Variants in ANK2 observed in about 807,000 individuals in gnomAD.
The protein encoded by ANK2 is ankyrin-2.
Under a neutral mutation model 360.5 loss-of-function variants are expected in ANK2, and 83 were observed. The observed-to-expected ratio is 0.23, with a 90% CI of 0.19 to 0.28. The LOEUF (loss-of-function observed/expected upper bound fraction) is 0.28. Among genes scored for constraint, ANK2 ranks in the 10% least tolerant of loss-of-function variants. The pLI is 1.00. For synonymous variants in ANK2, 1,740 were observed against 1,759.5 expected (o/e 0.99, Z 0.28); for missense variants, 4,201 against 4,795.7 (o/e 0.88, Z 3.66).
intron 2 of ANK2, among the ~76,000 whole-genome samples, chr4:112,969,737 A>G (rs2038749632): frequency 1.3e-5 from 2 of 152,208 alleles, no homozygotes; most frequent in African/African-American, 4.8e-5. Context: ...TGTGCTGTAG[A>G]GTGAGCCAAT....
the ANK2 span, among the ~76,000 whole-genome samples, chr4:112,808,576 T>C: frequency 2.0e-5 from 3 of 152,222 alleles, no homozygotes; most frequent in Non-Finnish European, 2.9e-5. Context: ...CCAATTCAAT[T>C]TTAATGAAAA....
At chr4:113,002,776 CT>C (rs2051277291) in intron 2 of ANK2, among the ~76,000 whole-genome samples, 1 of 152,224 alleles carries the variant, frequency 6.6e-6, no homozygotes, top group Non-Finnish European at 1.5e-5. Context: ...ACATAAAGCT[CT>C]CTTGTGAGTG....
intron 45 of ANK2, among the ~76,000 whole-genome samples, chr4:113,379,693 T>G (rs866604353): frequency 6.6e-6 from 1 of 152,176 alleles, no homozygotes; most frequent in Non-Finnish European, 1.5e-5. Flanking sequence ...AGAACAAATT[T>G]AAGTTTGCTT....
At chr4:112,935,467 G>C (rs531228450) in intron 2 of ANK2, among the ~76,000 whole-genome samples, 1 of 152,250 alleles carries the variant, frequency 6.6e-6, no homozygotes, top group East Asian at 1.9e-4. Flanking sequence ...GAGATCATCT[G>C]TCTGGTGTCT....
chr4:112,839,992 A>T (rs2061761853), intron 1 of ANK2, among the ~76,000 whole-genome samples: 1 of 152,140 alleles, frequency 6.6e-6, no homozygotes. Flanking sequence ...CATTCATTCG[A>T]TAATAATTGT....
the ANK2 span, among the ~76,000 whole-genome samples, chr4:112,771,215 C>T: frequency 6.6e-6 from 1 of 152,184 alleles, no homozygotes; most frequent in Admixed American, 6.5e-5. Context: ...CGGGTTCAAG[C>T]GAATCTGCTG....
At chr4:113,343,607 T>C (rs2094517526) in intron 34 of ANK2, among the ~76,000 whole-genome samples, 1 of 152,174 alleles carries the variant, frequency 6.6e-6, no homozygotes, top group African/African-American at 2.4e-5. Flanking sequence ...CTTGATATAT[T>C]TTCATAAATT....
At chr4:112,932,991 CATG>C (rs2093399825) in intron 2 of ANK2, among the ~76,000 whole-genome samples, 1 of 152,058 alleles carries the variant, frequency 6.6e-6, no homozygotes. Context: ...AGTTAAGGGG[CATG>C]ATTCATGAAT....
At chr4:113,341,404 C>T (rs1266642555) in intron 32 of ANK2, among the ~76,000 whole-genome samples, 1 of 152,084 alleles carries the variant, frequency 6.6e-6, no homozygotes, top group Non-Finnish European at 1.5e-5. Flanking sequence ...AGAAGAGTTT[C>T]CAAAAAAGAA....
chr4:113,357,389 T>C lies in ANK2; in HGVS notation c.8771T>C (p.Ile2924Thr), dbSNP rs769688422. The C allele has an allele frequency of 1.2e-6, 2 of 1,614,038 alleles. No homozygotes were observed. The highest frequency in any genetic ancestry group is 3.3e-5 in the Admixed American group (2 of 59,994). The change falls in exon 38 of 46, where the codon ATC becomes ACC. Residue 2924 changes from isoleucine to threonine, a missense_variant. Physicochemically the swap from Ile to Thr is moderately conservative, Grantham distance 89. Coordinates refer to ENST00000357077, the MANE Select transcript of ANK2 (RefSeq NM_001148.6). ...AENDEIYDPQ[I>T]TSPYENVPSQ... ...AATGATGAAATCTATGATCCACAAA[T>C]CACTAGCCCTTATGAAAATGTCCCT...
rs1438803009 is a variant in ANK2 at position 113,367,631 on chromosome 4, T to G, written c.11098T>G (p.Ser3700Ala). The change falls in exon 42 of 46, where the codon TCT (serine) becomes GCT (alanine). Residue 3700 changes from serine to alanine, a missense_variant. Ser to Ala is a moderately conservative substitution (Grantham distance 99). This residue lies in a region of ANK2 where 2,642 missense variants were observed against 2,714.5 expected (regional missense o/e 0.97). Transcript: ENST00000357077. Reference sequence around the variant, plus strand: ...CAAGCAGAAAGAGGAGCAAGCTGTTTCTAAAGAAAGTGAGACCTGCGATCA... The same window carrying G: ...CAAGCAGAAAGAGGAGCAAGCTGTTGCTAAAGAAAGTGAGACCTGCGATCA... ...QHKQKEEQAV[S>A]KESETCDHPP... The G allele has an allele frequency of 1.5e-5, 24 of 1,613,940 alleles. No individual in the cohort carries two copies. The highest frequency in any genetic ancestry group is 1.9e-5 in the Non-Finnish European group (23 of 1,179,982).
chr4:113,108,531 A>C lies in ANK2; in HGVS notation c.84+58719A>C, dbSNP rs188070657. Among the ~76,000 whole-genome samples, 10 of 152,302 alleles carry C rather than the reference A, an allele frequency of 6.6e-5. No individual in the cohort carries two copies. In the East Asian group the frequency reaches 1.7e-3, roughly 26 times the overall value. On this transcript the variant is annotated intron_variant, in intron 1 of 45. Coordinates refer to ENST00000357077, the MANE Select transcript of ANK2 (RefSeq NM_001148.6). Reference sequence around the variant, plus strand: ...CTTTACTAGTGGGAGAAGAATGTACACATATTATAGAATGGCTAGTAAGCT... The same window carrying C: ...CTTTACTAGTGGGAGAAGAATGTACCCATATTATAGAATGGCTAGTAAGCT...
intron 1 of ANK2, among the ~76,000 whole-genome samples, chr4:112,867,272 T>C (rs1267590254): frequency 1.3e-5 from 2 of 152,116 alleles, no homozygotes; most frequent in Non-Finnish European, 2.9e-5. Flanking sequence ...TATTAAGATG[T>C]TTGATCAGAT....
At chr4:113,295,684 A>G (rs1456919462) in intron 22 of ANK2, among the ~76,000 whole-genome samples, 1 of 152,204 alleles carries the variant, frequency 6.6e-6, no homozygotes, top group Non-Finnish European at 1.5e-5. Context: ...AGCCAATAAA[A>G]ATAGAAAACA....
chr4:112,842,154 C>T (rs57484256), intron 1 of ANK2, among the ~76,000 whole-genome samples: 4,333 of 152,056 alleles, frequency 0.028, 132 homozygotes, highest in African/African-American at 0.07. Context: ...GAATTACAGG[C>T]GCCCACAACC....
At chr4:112,831,719 T>A (rs1019860845) in intron 1 of ANK2, among the ~76,000 whole-genome samples, 3 of 152,198 alleles carry the variant, frequency 2.0e-5, no homozygotes, top group Admixed American at 6.5e-5. Context: ...ACAATAAATC[T>A]TGCTGATGCT....
intron 17 of ANK2, among the ~76,000 whole-genome samples, chr4:113,281,873 A>T (rs1450624750): frequency 6.6e-6 from 1 of 152,186 alleles, no homozygotes; most frequent in East Asian, 1.9e-4. Flanking sequence ...GCAGCAGGTT[A>T]TAAAGAAGGG....
At chr4:112,763,729 T>C in the ANK2 span, among the ~76,000 whole-genome samples, 1 of 142,464 alleles carries the variant, frequency 7.0e-6, no homozygotes, top group Non-Finnish European at 1.5e-5. Context: ...AGACGGGGTT[T>C]CACTGTGGTC....
intron 14 of ANK2, among the ~76,000 whole-genome samples, chr4:113,268,480 G>GT (rs1396978704): frequency 6.6e-6 from 1 of 151,810 alleles, no homozygotes. Context: ...AATTTTATCA[G>GT]TTTTTTCTAC....
Sources: gnomAD v4.1 joint callset for allele counts (sites outside exome capture counted in the v4.1 genomes callset) on GRCh38, gnomAD v4.1.1 for gene constraint, gnomAD v4.1.1 regional missense constraint, MANE v1.5 for transcripts, NCBI Gene and HGNC (gene_info 2026-07-23, HGNC 2026-07-21) for gene names.